Variants in ST6GALNAC3 observed in about 807,000 individuals in gnomAD.
ST6GALNAC3 encodes ST6 N-acetylgalactosaminide alpha-2,6-sialyltransferase 3, also known as alpha-N-acetylgalactosaminide alpha-2,6-sialyltransferase 3.
ST6GALNAC3 carries 25 observed loss-of-function variants against 32.7 expected under a neutral mutation model. The observed-to-expected ratio is 0.76, with a 90% CI of 0.56 to 1.07. The LOEUF (loss-of-function observed/expected upper bound fraction) is 1.07, where lower values mean the gene tolerates loss of function less well. Ranked by LOEUF, ST6GALNAC3 falls within the 50% of genes least tolerant of loss-of-function variation. The pLI is 0.00. For missense variants in ST6GALNAC3, 355 were observed against 382.4 expected, an observed-to-expected ratio of 0.93 and a Z score of 0.60; for synonymous variants, 129 against 133.1, an observed-to-expected ratio of 0.97 and a Z score of 0.21.
chr1:76,373,906 C>A (rs1651019464), intron 2 of ST6GALNAC3, among the ~76,000 whole-genome samples: 1 of 152,110 alleles, frequency 6.6e-6, no homozygotes, highest in South Asian at 2.1e-4. Flanking sequence ...CCCTTCCCAC[C>A]CCCACCATTC....
intron 3 of ST6GALNAC3, among the ~76,000 whole-genome samples, chr1:76,483,321 A>G (rs1659864652): frequency 6.6e-6 from 1 of 152,154 alleles, no homozygotes. Flanking sequence ...CAATGGTTGA[A>G]CTAGTTTACA....
At chr1:76,114,182 C>T (rs1648298149) in intron 1 of ST6GALNAC3, among the ~76,000 whole-genome samples, 1 of 151,964 alleles carries the variant, frequency 6.6e-6, no homozygotes, top group Non-Finnish European at 1.5e-5. Context: ...CATGCATTAC[C>T]TAATCCCAGG....
chr1:76,393,610 T>A (rs1424416860), intron 2 of ST6GALNAC3, among the ~76,000 whole-genome samples: 1 of 152,178 alleles, frequency 6.6e-6, no homozygotes. Flanking sequence ...ATTACTAGCA[T>A]CTTCTAAGAA....
At chr1:76,605,661 T>G (rs1426093835) in intron 3 of ST6GALNAC3, among the ~76,000 whole-genome samples, 2 of 151,712 alleles carry the variant, frequency 1.3e-5, no homozygotes, top group Non-Finnish European at 2.9e-5. Flanking sequence ...AGTCAGGAGT[T>G]CAAGACCAGC....
intron 1 of ST6GALNAC3, among the ~76,000 whole-genome samples, chr1:76,297,743 A>C (rs1351113588): frequency 1.3e-5 from 2 of 152,098 alleles, no homozygotes; most frequent in African/African-American, 4.8e-5. Context: ...TCAGAAACAT[A>C]GTAGATGCTC....
At chr1:76,281,495 C>T (rs1202055668) in intron 1 of ST6GALNAC3, among the ~76,000 whole-genome samples, 3 of 152,196 alleles carry the variant, frequency 2.0e-5, no homozygotes, top group Admixed American at 6.5e-5. Context: ...AGTGTGCCTG[C>T]ACTCCTCATC....
chr1:76,136,920 T>C (rs915403), intron 1 of ST6GALNAC3, among the ~76,000 whole-genome samples: 28,816 of 152,138 alleles, frequency 0.19, 2,913 homozygotes, highest in African/African-American at 0.25. Flanking sequence ...TCATCCAGTG[T>C]CAGTCAATCC....
Position 76,631,085 on chromosome 1 carries a change from T to G in ST6GALNAC3, c.*2279T>G. ...CCTGCCTCGTTGTAGCTTTCTCTGA[T>G]GAAGACTTCTGCAGTATATTGTATC... On this transcript the variant is annotated 3_prime_UTR_variant, in exon 5 of 5. Transcript: ENST00000328299. 1.1e-6 allele frequency: 1 copy of G among 936,284 alleles called. No individual in the cohort carries two copies. The highest frequency in any genetic ancestry group is 1.3e-6 in the Non-Finnish European group (1 of 785,140). The allele number at this position is 936,284 out of a possible 1,614,324, so 58.0% of individuals were successfully genotyped here.
At chr1:76,394,369 T>C (rs1263480349) in intron 2 of ST6GALNAC3, among the ~76,000 whole-genome samples, 1 of 152,234 alleles carries the variant, frequency 6.6e-6, no homozygotes, top group Non-Finnish European at 1.5e-5. Context: ...ATTGAAATTA[T>C]ACAATTACAT....
At chr1:76,428,317 C>G (rs1655532343) in intron 3 of ST6GALNAC3, among the ~76,000 whole-genome samples, 1 of 151,942 alleles carries the variant, frequency 6.6e-6, no homozygotes, top group Non-Finnish European at 1.5e-5. Context: ...TTTTCAAAGG[C>G]CAGGTTTTTA....
chr1:76,530,930 A>G (rs904482673), intron 3 of ST6GALNAC3, among the ~76,000 whole-genome samples: 2 of 152,226 alleles, frequency 1.3e-5, no homozygotes, highest in South Asian at 4.1e-4. Flanking sequence ...GAGAAGTTAT[A>G]GGGCACCATC....
At chr1:76,518,315 A>T (rs1407806715) in intron 3 of ST6GALNAC3, among the ~76,000 whole-genome samples, 1 of 152,036 alleles carries the variant, frequency 6.6e-6, no homozygotes, top group African/African-American at 2.4e-5. Context: ...TCATGTAATT[A>T]TGATTCTAGT....
At chr1:76,613,786 C>G (rs1377049433) in intron 3 of ST6GALNAC3, among the ~76,000 whole-genome samples, 1 of 152,200 alleles carries the variant, frequency 6.6e-6, no homozygotes, top group Non-Finnish European at 1.5e-5. Context: ...TTCCTGAGGC[C>G]TCTCCAGCAA....
intron 1 of ST6GALNAC3, among the ~76,000 whole-genome samples, chr1:76,295,729 C>T (rs945521494): frequency 2.0e-5 from 3 of 151,958 alleles, no homozygotes; most frequent in African/African-American, 7.2e-5. Flanking sequence ...TGAAGACTTA[C>T]ATACTGAACT....
At chr1:76,413,332 A>G (rs1374497283) in intron 3 of ST6GALNAC3, among the ~76,000 whole-genome samples, 1 of 152,198 alleles carries the variant, frequency 6.6e-6, no homozygotes, top group East Asian at 1.9e-4. Context: ...ACCAATAGCT[A>G]AAGTTTTAAA....
chr1:76,186,858 A>G (rs770878597), intron 1 of ST6GALNAC3, among the ~76,000 whole-genome samples: 1 of 152,150 alleles, frequency 6.6e-6, no homozygotes, highest in African/African-American at 2.4e-5. Flanking sequence ...AACAATCACA[A>G]TTATTTAGGT....
At chr1:76,164,952 ATTTAACT>A (rs1652031337) in intron 1 of ST6GALNAC3, among the ~76,000 whole-genome samples, 1 of 152,164 alleles carries the variant, frequency 6.6e-6, no homozygotes, top group South Asian at 2.1e-4. Flanking sequence ...TGTTTTTAAG[ATTTAACT>A]TTTAAGTTCA....
intron 2 of ST6GALNAC3, among the ~76,000 whole-genome samples, chr1:76,371,904 A>G (rs930417391): frequency 2.6e-5 from 4 of 152,170 alleles, no homozygotes; most frequent in South Asian, 2.1e-4. Context: ...AACAGTAAGC[A>G]TCTCACTTCC....
chr1:76,569,224 C>G (rs1158393630), intron 3 of ST6GALNAC3, among the ~76,000 whole-genome samples: 1 of 152,156 alleles, frequency 6.6e-6, no homozygotes, highest in Non-Finnish European at 1.5e-5. Context: ...GCTGGTTTCT[C>G]TATTTTCTAA....
Sources: gnomAD v4.1 joint callset for allele counts (sites outside exome capture counted in the v4.1 genomes callset) on GRCh38, gnomAD v4.1.1 for gene constraint, MANE v1.5 for transcripts, NCBI Gene and HGNC (gene_info 2026-07-23, HGNC 2026-07-21) for gene names.